Variants in GEMIN8 observed in about 807,000 individuals in gnomAD.
GEMIN8 encodes the protein gem nuclear organelle associated protein 8.
For synonymous variants in GEMIN8, 80 were observed against 78.5 expected (o/e 1.02, Z -0.10); for missense variants, 185 against 205.9 (o/e 0.90, Z 0.62).
the GEMIN8 span, among the ~76,000 whole-genome samples, chrX:14,000,920 T>G: frequency 9.0e-6 from 1 of 111,522 alleles, no homozygotes; most frequent in Admixed American, 9.6e-5. Context: ...TTAGCTTTGA[T>G]GTAAAACTTG....
intron 4 of GEMIN8, among the ~76,000 whole-genome samples, chrX:14,009,717 A>G (rs1923407861): frequency 1.8e-5 from 2 of 112,009 alleles, no homozygotes; most frequent in South Asian, 7.5e-4. Context: ...AATGGCTGAT[A>G]GAGCTTGCTT....
downstream of GEMIN8, among the ~76,000 whole-genome samples, chrX:14,006,537 C>A (rs928362896): frequency 9.0e-6 from 1 of 111,579 alleles, no homozygotes; most frequent in African/African-American, 3.3e-5. Context: ...GATAAACAAA[C>A]AAACGAGTCA....
chrX:14,027,124 A>G (rs1924738599), intron 1 of GEMIN8: 1 of 113,103 alleles, frequency 8.8e-6, no homozygotes, highest in Non-Finnish European at 1.9e-5. Context: ...TACATGCAAT[A>G]ATAACCCTAT....
At position 14,020,094 on chromosome X, in the gene GEMIN8, C is replaced by A. The variant is rs1452261855; in HGVS notation, c.456G>T (p.Arg152Ser). ...TGAACTTACGTCGTTCTTCTCTATG[C>A]CTCTCGGTCTCTGCAAAGTACTGGC... ...ELRQYFAETERHREERRRQQQ... is the reference protein window; with the variant it reads ...ELRQYFAETESHREERRRQQQ... Residue 152 changes from arginine (R) to serine (S), a missense_variant, in exon 4 of 5, where the codon AGG becomes AGT. Transcript: ENST00000680255. 1.7e-6 allele frequency: 2 copies of A among 1,190,444 alleles called. No individual in the cohort carries two copies. The highest frequency in any genetic ancestry group is 2.3e-6 in the Non-Finnish European group (2 of 877,501).
chrX:14,012,937 T>G (rs185334211), intron 4 of GEMIN8, among the ~76,000 whole-genome samples: 11 of 111,435 alleles, frequency 9.9e-5, no homozygotes, highest in African/African-American at 3.6e-4. Context: ...CTCACACAAT[T>G]TTTTAAAAAG....
Position 14,020,275 on chromosome X carries a change from T to C in GEMIN8, c.275A>G (p.His92Arg), listed in dbSNP as rs1218158330. The C allele has an allele frequency of 8.3e-7, 1 of 1,210,869 alleles. No individual in the cohort carries two copies. The highest frequency in any genetic ancestry group is 1.8e-5 in the South Asian group (1 of 56,971). Reference protein sequence around the residue: ...AWQDYPCSSSHFRRSGQHPRY... With the variant: ...AWQDYPCSSSRFRRSGQHPRY... ...TGGATGCTGCCCAGATCTTCTGAAA[T>C]GTGAAGAACTGCAGGGGTAGTCCTG... The change falls in exon 4 of 5, where the codon CAT becomes CGT. Residue 92 changes from histidine (H) to arginine (R), a missense_variant. Physicochemically the swap from His to Arg is conservative, Grantham distance 29 (BLOSUM62 0). Coordinates refer to ENST00000680255, the MANE Select transcript of GEMIN8 (RefSeq NM_001042479.2).
chrX:13,992,180 AT>A, the GEMIN8 span, among the ~76,000 whole-genome samples: 4 of 112,048 alleles, frequency 3.6e-5, no homozygotes, highest in African/African-American at 1.3e-4. Flanking sequence ...TAAATGTCAA[AT>A]AATCCTTCAC....
chrX:13,992,688 A>T, the GEMIN8 span, among the ~76,000 whole-genome samples: 1 of 111,802 alleles, frequency 8.9e-6, no homozygotes, highest in African/African-American at 3.3e-5. Context: ...CTGGAGCAGA[A>T]TGAGAGAAAT....
intron 3 of GEMIN8, 75 bp downstream of exon 3, chrX:14,021,388 AG>A (rs1924302349): frequency 1.7e-6 from 1 of 595,848 alleles, no homozygotes; most frequent in Admixed American, 3.0e-5. Context: ...TAAAACTTAA[AG>A]TATAAAAAAA....
At chrX:13,995,425 C>A in the GEMIN8 span, among the ~76,000 whole-genome samples, 1 of 112,008 alleles carries the variant, frequency 8.9e-6, no homozygotes, top group Non-Finnish European at 1.9e-5. Flanking sequence ...TTATTACACT[C>A]ATCACTAACC....
At chrX:14,019,249 G>A (rs916806234) in intron 4 of GEMIN8, among the ~76,000 whole-genome samples, 2 of 112,026 alleles carry the variant, frequency 1.8e-5, no homozygotes, top group Non-Finnish European at 3.8e-5. Context: ...GGTTATAATA[G>A]GGAAAGAAGC....
At chrX:14,011,157 G>A (rs1484494998) in intron 4 of GEMIN8, among the ~76,000 whole-genome samples, 4 of 112,058 alleles carry the variant, frequency 3.6e-5, no homozygotes, top group African/African-American at 1.3e-4. Flanking sequence ...TTTTTCTCCT[G>A]CCTCTGTCCT....
chrX:14,016,866 A>AATATATATATAT (rs61127994), intron 4 of GEMIN8, among the ~76,000 whole-genome samples: 2 of 57,184 alleles, frequency 3.5e-5, no homozygotes, highest in South Asian at 1.1e-3. Context: ...AAAAAAAAAA[A>AATATATATATAT]ATATATATAT....
At chrX:13,993,098 C>T in the GEMIN8 span, among the ~76,000 whole-genome samples, 2 of 112,250 alleles carry the variant, frequency 1.8e-5, no homozygotes, top group Non-Finnish European at 1.9e-5. Flanking sequence ...CCCATCAATT[C>T]GCATTACTGT....
chrX:14,005,219 G>A (rs1923103931), downstream of GEMIN8, among the ~76,000 whole-genome samples: 1 of 110,532 alleles, frequency 9.0e-6, no homozygotes, highest in African/African-American at 3.3e-5. Flanking sequence ...CTCTTGGACA[G>A]CTTCGGGATG....
At chrX:13,997,904 A>G in the GEMIN8 span, among the ~76,000 whole-genome samples, 1 of 108,072 alleles carries the variant, frequency 9.3e-6, no homozygotes, top group Middle Eastern at 4.7e-3. Context: ...GTCTCAAAAA[A>G]AAAAAAAAAA....
In GEMIN8 at chrX:14,009,122, C is replaced by T. The variant is rs1227413836; in HGVS notation, c.520G>A (p.Ala174Thr). ...DAERLDSYVN[A>T]DHDLYCNTRR... ...GTGTTGCAGTACAGGTCGTGGTCAG[C>T]GTTCACATAGCTGTCCAGGCGCTCT... is the stretch of plus-strand genomic sequence containing the variant. Residue 174 changes from alanine to threonine, a missense_variant, in exon 5 of 5, where the codon GCT (alanine) becomes ACT (threonine). Transcript: ENST00000680255. The T allele has an allele frequency of 1.7e-6, 2 of 1,209,495 alleles. No homozygotes were observed. Among genetic ancestry groups the T allele is most frequent in the Non-Finnish European group, 2.2e-6 (2 of 894,199 alleles).
At chrX:14,025,970 G>T (rs1924669251) in intron 2 of GEMIN8, 170 bp downstream of exon 2, 1 of 508,915 alleles carries the variant, frequency 2.0e-6, no homozygotes, top group Non-Finnish European at 2.4e-6. Flanking sequence ...AACTTAAGGA[G>T]CTAATAAGAA....
At chrX:14,005,053 T>C (rs1042951257), downstream of GEMIN8, among the ~76,000 whole-genome samples, 2 of 111,749 alleles carry the variant, frequency 1.8e-5, no homozygotes, top group Admixed American at 9.5e-5. Flanking sequence ...GTCTCTGACA[T>C]AGACCCCCTG....
Sources: gnomAD v4.1 joint callset for allele counts (sites outside exome capture counted in the v4.1 genomes callset) on GRCh38, gnomAD v4.1.1 for gene constraint, MANE v1.5 for transcripts, NCBI Gene and HGNC (gene_info 2026-07-23, HGNC 2026-07-21) for gene names.